MAML2: variants seen among roughly 807,000 people sequenced by gnomAD.
MAML2 encodes mastermind like transcriptional coactivator 2, also known as mastermind-like protein 2.
Under a neutral mutation model 96.1 loss-of-function variants are expected in MAML2, and 22 were observed. The ratio of observed to expected loss-of-function variants is 0.23; its 90% confidence interval spans 0.16 to 0.33. MAML2 has a LOEUF of 0.33. Among genes scored for constraint, MAML2 ranks in the 10% least tolerant of loss-of-function variants. The pLI is 1.00. For synonymous variants in MAML2, 561 were observed against 521.3 expected, an observed-to-expected ratio of 1.08 and a Z score of -1.04; for missense variants, 1,367 against 1,392.4, an observed-to-expected ratio of 0.98 and a Z score of 0.29.
intron 2 of MAML2, among the ~76,000 whole-genome samples, chr11:96,078,869 A>T (rs1348044436): frequency 1.3e-5 from 2 of 152,226 alleles, no homozygotes; most frequent in African/African-American, 2.4e-5. Flanking sequence ...CTTTGTGCTT[A>T]CTATTCTGCT....
intron 2 of MAML2, among the ~76,000 whole-genome samples, chr11:96,037,962 T>A (rs1326192339): frequency 6.6e-6 from 1 of 152,232 alleles, no homozygotes; most frequent in Non-Finnish European, 1.5e-5. Context: ...AAATAGGTAT[T>A]ACATTAACGT....
rs111510263 is a variant in MAML2, at chr11:95,994,599, C to T, written c.2140-2876G>A. Reference sequence around the variant, plus strand: ...GGGGAAAGAGGCAGGATCAGGGAAGCGTAAAGACAGCTGGAAGTGGTGGGG... The same window carrying T: ...GGGGAAAGAGGCAGGATCAGGGAAGTGTAAAGACAGCTGGAAGTGGTGGGG... On this transcript the variant is annotated intron_variant, in intron 2 of 4. Coordinates refer to ENST00000524717, the MANE Select transcript of MAML2 (RefSeq NM_032427.4). Among the ~76,000 whole-genome samples the T allele has an allele frequency of 2.4e-3, 366 of 151,914 alleles. 2 individuals carry two copies. The highest frequency in any genetic ancestry group is 8.2e-3 in the African/African-American group (338 of 41,418).
intron 2 of MAML2, among the ~76,000 whole-genome samples, chr11:96,022,861 G>GTT (rs1858457039): frequency 6.6e-6 from 1 of 152,218 alleles, no homozygotes; most frequent in African/African-American, 2.4e-5. Context: ...TGACAATGAG[G>GTT]ATGTTTGGAA....
intron 1 of MAML2, among the ~76,000 whole-genome samples, chr11:96,108,811 T>A (rs1448972065): frequency 6.6e-6 from 1 of 151,982 alleles, no homozygotes; most frequent in Non-Finnish European, 1.5e-5. Flanking sequence ...GACAGGCAGA[T>A]CGCTTGAGTC....
chr11:96,086,532 A>G (rs918917858), intron 2 of MAML2, among the ~76,000 whole-genome samples: 4 of 152,202 alleles, frequency 2.6e-5, no homozygotes, highest in Admixed American at 1.3e-4. Flanking sequence ...GCCTAGCAAT[A>G]GAAACAAGAA....
rs556759977 is a variant in MAML2, at chr11:95,976,923, A to C, written c.*2025T>G. On this transcript the variant is annotated 3_prime_UTR_variant, in exon 5 of 5. Transcript: ENST00000524717. The stretch of plus-strand genomic sequence containing the variant: ...ACACAGTAGACTACATGCAACAAGG[A>C]CCAATACAATGTGCACAGCAGAAGA... 3 of 193,584 alleles carry C rather than the reference A, an allele frequency of 1.5e-5. No homozygotes were observed. The South Asian group carries it at 5.8e-4, about 38-fold the overall frequency. The allele number at this position is 193,584 out of a possible 1,614,324, so 12.0% of individuals were successfully genotyped here.
chr11:96,199,154 G>T (rs1266430), intron 1 of MAML2, among the ~76,000 whole-genome samples: 1 of 138,846 alleles, frequency 7.2e-6, no homozygotes, highest in African/African-American at 2.8e-5. Flanking sequence ...CCAAAATGGC[G>T]CCACTGCACT....
intron 1 of MAML2, among the ~76,000 whole-genome samples, chr11:96,147,817 G>A (rs1197029723): frequency 6.6e-6 from 1 of 152,196 alleles, no homozygotes; most frequent in Non-Finnish European, 1.5e-5. Flanking sequence ...TAGGGGTATT[G>A]TTCGGAGCAA....
At chr11:96,116,387 G>A (rs777607707) in intron 1 of MAML2, among the ~76,000 whole-genome samples, 1 of 152,126 alleles carries the variant, frequency 6.6e-6, no homozygotes, top group African/African-American at 2.4e-5. Context: ...CCAACCTGCA[G>A]AAGGGCCATA....
At chr11:96,127,632 G>C (rs1381630358) in intron 1 of MAML2, among the ~76,000 whole-genome samples, 1 of 152,224 alleles carries the variant, frequency 6.6e-6, no homozygotes, top group East Asian at 1.9e-4. Flanking sequence ...TAACCAGCTG[G>C]AAATTTTGGA....
chr11:96,291,260 G>A (rs1863205825), intron 1 of MAML2, among the ~76,000 whole-genome samples: 1 of 151,312 alleles, frequency 6.6e-6, no homozygotes, highest in Non-Finnish European at 1.5e-5. Context: ...TGAGTAGCTG[G>A]GACTACAGGC....
At chr11:96,121,135 TGAGA>T (rs966770801) in intron 1 of MAML2, among the ~76,000 whole-genome samples, 1 of 151,972 alleles carries the variant, frequency 6.6e-6, no homozygotes, top group African/African-American at 2.4e-5. Context: ...GGCTCATTTC[TGAGA>T]GAGAGAGAAA....
At chr11:95,998,997 C>T (rs1334460572) in intron 2 of MAML2, among the ~76,000 whole-genome samples, 2 of 152,040 alleles carry the variant, frequency 1.3e-5, no homozygotes, top group African/African-American at 2.4e-5. Context: ...TACCCTTTTT[C>T]CTTAGAAGAC....
At chr11:95,988,983 A>C (rs1857869495) in intron 3 of MAML2, among the ~76,000 whole-genome samples, 1 of 152,230 alleles carries the variant, frequency 6.6e-6, no homozygotes, top group Admixed American at 6.5e-5. Context: ...GGATAATTAT[A>C]GGACCTCCCT....
At chr11:96,161,168 C>T (rs71475379) in intron 1 of MAML2, among the ~76,000 whole-genome samples, 11,603 of 152,214 alleles carry the variant, frequency 0.076, 531 homozygotes, top group Non-Finnish European at 0.098. Context: ...CCCTGAGGAC[C>T]GCTCTCTGAG....
chr11:96,025,798 T>G (rs533101160), intron 2 of MAML2, among the ~76,000 whole-genome samples: 15 of 152,302 alleles, frequency 9.8e-5, no homozygotes, highest in Admixed American at 3.9e-4. Flanking sequence ...TTTGACCTCA[T>G]GATCCGCCCA....
intron 1 of MAML2, among the ~76,000 whole-genome samples, chr11:96,131,898 T>C (rs535023473): frequency 2.4e-4 from 37 of 152,176 alleles, no homozygotes; most frequent in Non-Finnish European, 4.0e-4. Flanking sequence ...TAATCCCAGC[T>C]ACTTGGGAGG....
intron 1 of MAML2, among the ~76,000 whole-genome samples, chr11:96,248,908 G>A (rs1220361025): frequency 6.6e-6 from 1 of 152,204 alleles, no homozygotes; most frequent in African/African-American, 2.4e-5. Context: ...AACTTTGCAA[G>A]CTGGTTGTTA....
intron 2 of MAML2, among the ~76,000 whole-genome samples, chr11:96,051,934 T>C (rs1054685536): frequency 3.3e-5 from 5 of 152,188 alleles, no homozygotes; most frequent in African/African-American, 1.2e-4. Flanking sequence ...GAAGTGAGCA[T>C]TGTGGCATTG....
Sources: gnomAD v4.1 joint callset for allele counts (sites outside exome capture counted in the v4.1 genomes callset) on GRCh38, gnomAD v4.1.1 for gene constraint, MANE v1.5 for transcripts, NCBI Gene and HGNC (gene_info 2026-07-23, HGNC 2026-07-21) for gene names.